The following SMAD5 variants were observed in gnomAD, a reference collection of about 807,000 sequenced individuals.
SMAD5 encodes the protein SMAD family member 5, also known as MAD, mothers against decapentaplegic homolog 5.
In SMAD5, 9 loss-of-function variants were observed where a neutral mutation model predicts 43.1. That is an observed-to-expected ratio of 0.21 (90% CI 0.13 to 0.36). SMAD5 has a LOEUF of 0.36. Ranked by LOEUF, SMAD5 falls within the 10% of genes least tolerant of loss-of-function variation. The probability of loss-of-function intolerance (pLI) is 1.00; values close to 1 mark genes in which losing one functional copy is unlikely to be tolerated. For synonymous variants in SMAD5, 190 were observed against 192.4 expected (o/e 0.99, Z 0.10); for missense variants, 348 against 574.0 (o/e 0.61, Z 4.02).
At chr5:136,167,054 G>A (rs1754042541) in intron 5 of SMAD5, among the ~76,000 whole-genome samples, 1 of 152,106 alleles carries the variant, frequency 6.6e-6, no homozygotes, top group East Asian at 1.9e-4. Flanking sequence ...AAAGTTAAAC[G>A]GCAGTGCCTG....
intron 1 of SMAD5, chr5:136,133,679 A>G (rs1338175194): frequency 1.3e-5 from 2 of 152,660 alleles, no homozygotes; most frequent in African/African-American, 2.4e-5. Flanking sequence ...CTATACTTCA[A>G]TATCAGGGCT....
intron 3 of SMAD5, among the ~76,000 whole-genome samples, chr5:136,158,637 C>T (rs534918502): frequency 3.3e-5 from 5 of 152,232 alleles, no homozygotes; most frequent in South Asian, 2.1e-4. Flanking sequence ...CGGTGGCTCA[C>T]GCCTGTAATC....
chr5:136,177,299 A>G (rs1754455086), intron 7 of SMAD5, 38 bp from the exon 8 acceptor site: 1 of 1,607,140 alleles, frequency 6.2e-7, no homozygotes, highest in African/African-American at 1.3e-5. Context: ...TTGACAGTTT[A>G]AAGAGGGATT....
At position 136,180,906 on chromosome 5, in the gene SMAD5, C is replaced by T. The variant is rs888234665; in HGVS notation, c.*3426C>T. ...AGTACTCATACCTGAAATCTGTTGT[C>T]AAGATTAGAACTGGGGTTCATGTTA... On this transcript the variant is annotated 3_prime_UTR_variant, in exon 8 of 8. Coordinates refer to ENST00000545279, the MANE Select transcript of SMAD5 (RefSeq NM_005903.7). The T allele has an allele frequency of 6.6e-6, 1 of 152,046 alleles. No individual in the cohort carries two copies. Among genetic ancestry groups the T allele is most frequent in the African/African-American group, 2.4e-5 (1 of 41,422 alleles). 9.4% of individuals were successfully genotyped at this position (152,046 alleles called of 1,614,324 possible). A position where few individuals can be genotyped will look rare whatever the true frequency, so the allele number is the denominator to read the frequency against.
chr5:136,163,165 A>G lies in SMAD5; in HGVS notation c.656-107A>G, dbSNP rs1046145487. Reference sequence around the variant, plus strand: ...AGTATCCTACATTTTTTTGTGTGTGATGTTCAGTAATGAAGCTTGCTGGTA... The same window carrying G: ...AGTATCCTACATTTTTTTGTGTGTGGTGTTCAGTAATGAAGCTTGCTGGTA... On this transcript the variant is annotated intron_variant, in intron 4 of 7. Transcript: ENST00000545279. 4.6e-6 allele frequency: 4 copies of G among 874,328 alleles called. No homozygotes were observed. In the Admixed American group the frequency reaches 1.2e-4, roughly 26 times the overall value. 54.2% of individuals were successfully genotyped at this position (874,328 alleles called of 1,614,324 possible).
intron 5 of SMAD5, among the ~76,000 whole-genome samples, chr5:136,166,795 T>C (rs1365400558): frequency 6.6e-6 from 1 of 152,218 alleles, no homozygotes; most frequent in Non-Finnish European, 1.5e-5. Context: ...CTGTATTTAC[T>C]CCACTTAACC....
intron 2 of SMAD5, among the ~76,000 whole-genome samples, chr5:136,151,057 A>T (rs1753439862): frequency 6.6e-6 from 1 of 151,912 alleles, no homozygotes; most frequent in Admixed American, 6.6e-5. Context: ...ATAAATAACA[A>T]TTTTTTTGTT....
chr5:136,168,047 G>GC (rs1754080644), intron 5 of SMAD5, among the ~76,000 whole-genome samples: 1 of 152,066 alleles, frequency 6.6e-6, no homozygotes, highest in African/African-American at 2.4e-5. Context: ...CACCATGTTG[G>GC]CCAGGTTGGT....
At position 136,172,500 on chromosome 5, in the gene SMAD5, A is replaced by G. The variant is rs1191711061; in HGVS notation, c.842A>G (p.Asn281Ser). ...TCAATAGTCTACTATGAATTAAACA[A>G]TCGTGTTGGAGAAGCTTTTCATGCA... is the stretch of plus-strand genomic sequence containing the variant. The part of the protein sequence containing the change: ...WCSIVYYELN[N>S]RVGEAFHASS... The change falls in exon 6 of 8, where the codon AAT becomes AGT. Residue 281 changes from asparagine (N) to serine (S), a missense_variant. Asn to Ser is a conservative substitution (Grantham distance 46, BLOSUM62 1). This residue lies in a region of SMAD5 where 185 missense variants were observed against 207.0 expected (regional missense o/e 0.89). Transcript: ENST00000545279. 6.2e-7 allele frequency: 1 copy of G among 1,613,218 alleles called. No homozygotes were observed. The highest frequency in any genetic ancestry group is 1.7e-5 in the Admixed American group (1 of 59,984).
At chr5:136,139,264 A>T (rs1303734744) in intron 1 of SMAD5, among the ~76,000 whole-genome samples, 2 of 152,032 alleles carry the variant, frequency 1.3e-5, no homozygotes, top group Non-Finnish European at 2.9e-5. Flanking sequence ...GTACTTCCAT[A>T]ACCTTAGGTA....
chr5:136,153,225 G>A (rs1403721847), intron 2 of SMAD5, among the ~76,000 whole-genome samples: 1 of 152,112 alleles, frequency 6.6e-6, no homozygotes, highest in East Asian at 1.9e-4. Flanking sequence ...GTTCAAAATT[G>A]ACATAGCATG....
At chr5:136,162,553 A>G (rs875414) in intron 4 of SMAD5, among the ~76,000 whole-genome samples, 54,832 of 152,060 alleles carry the variant, frequency 0.36, 10,877 homozygotes, top group African/African-American at 0.54. Flanking sequence ...ATTCAGTGCT[A>G]ATTGTAGTTC....
chr5:136,133,003 G>A (rs766771773), intron 1 of SMAD5, 41 bp downstream of exon 1: 1 of 152,438 alleles, frequency 6.6e-6, no homozygotes, highest in South Asian at 2.1e-4. Context: ...AGGGGAACTG[G>A]GGGCTGCAGG....
chr5:136,170,251 G>C (rs978753278), intron 5 of SMAD5, among the ~76,000 whole-genome samples: 1 of 152,082 alleles, frequency 6.6e-6, no homozygotes, highest in Non-Finnish European at 1.5e-5. Flanking sequence ...TCCATCTTGG[G>C]TCAATTTTGT....
chr5:136,156,519 A>C (rs1046060075), intron 3 of SMAD5, among the ~76,000 whole-genome samples: 1 of 152,218 alleles, frequency 6.6e-6, no homozygotes, highest in Non-Finnish European at 1.5e-5. Flanking sequence ...GTTCAACTTA[A>C]GAGCTTTAGA....
rs766690391 is a variant in SMAD5, at chr5:136,160,986, C to G, written c.534C>G (p.His178Gln). ...ATGCCACGTTTCCAGATTCTTTCCA[C>G]CAGCCCAACAACACTCCTTTTCCCT... Reference protein sequence around the residue: ...PQNATFPDSFHQPNNTPFPLS... With the variant: ...PQNATFPDSFQQPNNTPFPLS... Residue 178 changes from histidine (H) to glutamine (Q), a missense_variant, in exon 4 of 8, where the codon CAC (histidine) becomes CAG (glutamine). Physicochemically the swap from His to Gln is conservative, Grantham distance 24. Coordinates refer to ENST00000545279, the MANE Select transcript of SMAD5 (RefSeq NM_005903.7). The G allele has an allele frequency of 1.9e-6, 3 of 1,614,000 alleles. No individual in the cohort carries two copies. Among genetic ancestry groups the G allele is most frequent in the Non-Finnish European group, 1.7e-6 (2 of 1,179,886 alleles).
intron 3 of SMAD5, among the ~76,000 whole-genome samples, 161 bp from the exon 4 acceptor site, chr5:136,160,695 T>C (rs770912878): frequency 6.6e-6 from 1 of 152,292 alleles, no homozygotes; most frequent in South Asian, 2.1e-4. Context: ...TCAGTTTTTA[T>C]GTAAATAGAG....
Position 136,182,204 on chromosome 5 carries a change from T to G in SMAD5, c.*4724T>G, listed in dbSNP as rs1300678446. 1 of 148,630 alleles carries G rather than the reference T, an allele frequency of 6.7e-6. No individual in the cohort carries two copies. The highest frequency in any genetic ancestry group is 6.7e-5 in the Admixed American group (1 of 14,964). 9.2% of individuals were successfully genotyped at this position (148,630 alleles called of 1,614,324 possible). ...GGTGTTAGCTATAACAAAACTCCAGTAAGGCCAAAGAATCCCAAGTTCTTT... is the reference window on the plus strand; with the variant it reads ...GGTGTTAGCTATAACAAAACTCCAGGAAGGCCAAAGAATCCCAAGTTCTTT... On this transcript the variant is annotated 3_prime_UTR_variant, in exon 8 of 8. Transcript: ENST00000545279.
chr5:136,172,622 A>G lies in SMAD5; in HGVS notation c.964A>G (p.Thr322Ala). The change falls in exon 6 of 8, where the codon ACA (threonine) becomes GCA (alanine). Residue 322 changes from threonine to alanine, a missense_variant. Physicochemically the swap from Thr to Ala is moderately conservative, Grantham distance 58. This residue lies in a region of SMAD5 where 97 missense variants were observed against 211.8 expected (regional missense o/e 0.46). Transcript: ENST00000545279. Reference sequence around the variant, plus strand: ...GTTGTCAAATGTTAATCGTAATTCGACAATTGAAAACACTAGGCGACATAT... The same window carrying G: ...GTTGTCAAATGTTAATCGTAATTCGGCAATTGAAAACACTAGGCGACATAT... ...GLLSNVNRNS[T>A]IENTRRHIGK... 4.3e-6 allele frequency: 7 copies of G among 1,610,256 alleles called. No individual in the cohort carries two copies. Among genetic ancestry groups the G allele is most frequent in the Non-Finnish European group, 5.9e-6 (7 of 1,176,570 alleles).
Sources: gnomAD v4.1 joint callset for allele counts (sites outside exome capture counted in the v4.1 genomes callset) on GRCh38, gnomAD v4.1.1 for gene constraint, gnomAD v4.1.1 regional missense constraint, MANE v1.5 for transcripts, NCBI Gene and HGNC (gene_info 2026-07-23, HGNC 2026-07-21) for gene names.